ZBTB5: variants seen among roughly 807,000 people sequenced by gnomAD.
ZBTB5 encodes zinc finger and BTB domain-containing protein 5.
ZBTB5 carries 15 observed loss-of-function variants against 37.9 expected under a neutral mutation model. The observed-to-expected ratio is 0.40, with a 90% confidence interval of 0.26 to 0.61. The LOEUF (loss-of-function observed/expected upper bound fraction) is 0.61, where lower values mean the gene tolerates loss of function less well. Ranked by LOEUF, ZBTB5 falls within the 20% of genes least tolerant of loss-of-function variation. The pLI is 0.47. For missense variants in ZBTB5, 708 were observed against 856.8 expected (o/e 0.83, Z 2.17); for synonymous variants, 315 against 312.4 (o/e 1.01, Z -0.09).
intron 1 of ZBTB5, among the ~76,000 whole-genome samples, chr9:37,444,509 T>C (rs927679495): frequency 2.6e-5 from 4 of 152,180 alleles, no homozygotes; most frequent in African/African-American, 9.7e-5. Flanking sequence ...CAAGAAATGG[T>C]ATTTTTTAAA....
chr9:37,446,354 A>C (rs751872768), intron 1 of ZBTB5, among the ~76,000 whole-genome samples: 4 of 152,210 alleles, frequency 2.6e-5, no homozygotes, highest in Admixed American at 6.5e-5. Context: ...CTGGGAAATA[A>C]CTGAAATGGC....
At position 37,441,033 on chromosome 9, in the gene ZBTB5, A is replaced by G; in HGVS notation, c.1519T>C (p.Ser507Pro). 2 of 1,614,186 alleles carry G rather than the reference A, an allele frequency of 1.2e-6. No homozygotes were observed. The highest frequency in any genetic ancestry group is 1.7e-6 in the Non-Finnish European group (2 of 1,180,040). Reference sequence around the variant, plus strand: ...GAGTGGAGGCCCAAACCAGACCTGGAAAAGTCCATCCCAAACTGTTCTCCT... The same window carrying G: ...GAGTGGAGGCCCAAACCAGACCTGGGAAAGTCCATCCCAAACTGTTCTCCT... ...QGGEQFGMDF[S>P]RSGLGLHSSF... Residue 507 changes from serine to proline, a missense_variant, in exon 2 of 2, where the codon TCC becomes CCC. By Grantham distance (74) the Ser-to-Pro change is moderately conservative. Coordinates refer to ENST00000307750, the MANE Select transcript of ZBTB5 (RefSeq NM_014872.3).
At chr9:37,459,124 TA>T (rs1178476150) in intron 1 of ZBTB5, among the ~76,000 whole-genome samples, 2 of 152,238 alleles carry the variant, frequency 1.3e-5, no homozygotes, top group African/African-American at 4.8e-5. Flanking sequence ...AGCTGTCTTC[TA>T]TTAAACTACA....
In ZBTB5 at chr9:37,442,262, A is replaced by G; in HGVS notation, c.290T>C (p.Met97Thr). ...GTGAGAGGCTGCCAATAAGACATCCATTACATTGCTCTCCCCCAGCATGAG... is the reference window on the plus strand; with the variant it reads ...GTGAGAGGCTGCCAATAAGACATCCGTTACATTGCTCTCCCCCAGCATGAG... Reference protein sequence around the residue: ...STLMLGESNVMDVLLAASHLH... With the variant: ...STLMLGESNVTDVLLAASHLH... Residue 97 changes from methionine (M) to threonine (T), a missense_variant, in exon 2 of 2, where the codon ATG (methionine) becomes ACG (threonine). Coordinates refer to ENST00000307750, the MANE Select transcript of ZBTB5 (RefSeq NM_014872.3). 5 of 1,614,230 alleles carry G rather than the reference A, an allele frequency of 3.1e-6. No individual in the cohort carries two copies. The highest frequency in any genetic ancestry group is 3.4e-6 in the Non-Finnish European group (4 of 1,180,034).
intron 1 of ZBTB5, among the ~76,000 whole-genome samples, chr9:37,454,501 C>A (rs1824153952): frequency 6.6e-6 from 1 of 152,130 alleles, no homozygotes; most frequent in South Asian, 2.1e-4. Flanking sequence ...GTGTAAAGTT[C>A]AGTATTTGTT....
chr9:37,464,495 GCTGA>G (rs777957136), intron 1 of ZBTB5, among the ~76,000 whole-genome samples: 11 of 152,000 alleles, frequency 7.2e-5, no homozygotes, highest in Non-Finnish European at 1.3e-4. Flanking sequence ...ATGCCAGAAT[GCTGA>G]CTGACTTAAA....
At chr9:37,446,742 C>T (rs1284061225) in intron 1 of ZBTB5, among the ~76,000 whole-genome samples, 2 of 152,230 alleles carry the variant, frequency 1.3e-5, no homozygotes, top group Non-Finnish European at 2.9e-5. Flanking sequence ...GAGCTTAAGG[C>T]TTTGGGGAGA....
chr9:37,447,004 C>T (rs1044916249), intron 1 of ZBTB5, among the ~76,000 whole-genome samples: 12 of 152,306 alleles, frequency 7.9e-5, no homozygotes, highest in South Asian at 6.2e-4. Context: ...AGACACTCAG[C>T]GTTACTGCTT....
chr9:37,452,369 G>A (rs768871882), intron 1 of ZBTB5, among the ~76,000 whole-genome samples: 1 of 152,120 alleles, frequency 6.6e-6, no homozygotes, highest in South Asian at 2.1e-4. Context: ...CCAAATACTA[G>A]CATCATTTTT....
intron 1 of ZBTB5, among the ~76,000 whole-genome samples, chr9:37,461,411 C>T (rs1242873023): frequency 6.6e-6 from 1 of 152,166 alleles, no homozygotes; most frequent in East Asian, 1.9e-4. Flanking sequence ...GAGCAACTCA[C>T]CCTAAACATT....
chr9:37,461,952 C>G (rs1256888301), intron 1 of ZBTB5, among the ~76,000 whole-genome samples: 2 of 151,964 alleles, frequency 1.3e-5, no homozygotes, highest in Non-Finnish European at 2.9e-5. Context: ...AGCAGGAAAA[C>G]GAATTAGGAA....
At position 37,441,198 on chromosome 9, in the gene ZBTB5, C is replaced by A; in HGVS notation, c.1354G>T (p.Ala452Ser). Reference sequence around the variant, plus strand: ...GAGGAGGGCCCACCTGCAGGCCCAGCCTCTGGACTCAACAAATAGGGGGCC... The same window carrying A: ...GAGGAGGGCCCACCTGCAGGCCCAGACTCTGGACTCAACAAATAGGGGGCC... ...SEAPYLLSPE[A>S]GPAGGPSSAP... Residue 452 changes from alanine to serine, a missense_variant, in exon 2 of 2, where the codon GCT becomes TCT. By Grantham distance (99) the Ala-to-Ser change is moderately conservative (BLOSUM62 1). Transcript: ENST00000307750. 6.2e-7 allele frequency: 1 copy of A among 1,614,076 alleles called. No individual in the cohort carries two copies. Among genetic ancestry groups the A allele is most frequent in the Non-Finnish European group, 8.5e-7 (1 of 1,179,984 alleles).
chr9:37,447,713 G>T (rs1824014455), intron 1 of ZBTB5, among the ~76,000 whole-genome samples: 1 of 152,056 alleles, frequency 6.6e-6, no homozygotes, highest in African/African-American at 2.4e-5. Context: ...GAGTTAATAG[G>T]TGAGGGGGGC....
Position 37,442,416 on chromosome 9 carries a change from T to C in ZBTB5, c.136A>G (p.Ser46Gly), listed in dbSNP as rs756999652. Residue 46 changes from serine to glycine, a missense_variant, in exon 2 of 2, where the codon AGC (serine) becomes GGC (glycine). By Grantham distance (56) the Ser-to-Gly change is moderately conservative (BLOSUM62 0). Transcript: ENST00000307750. ...GAGAACAGGGCTCGGAAATGCGTGC[T>C]GCATGCTGCCAGCACGGAGCGGTGG... is the stretch of plus-strand genomic sequence containing the variant. Reference protein sequence around the residue: ...KAHRSVLAACSTHFRALFSVA... With the variant: ...KAHRSVLAACGTHFRALFSVA... 4 of 1,614,018 alleles carry C rather than the reference T, an allele frequency of 2.5e-6. No homozygotes were observed. In the African/African-American group the frequency reaches 4.0e-5, roughly 16 times the overall value.
chr9:37,441,200 T>C lies in ZBTB5; in HGVS notation c.1352A>G (p.Glu451Gly). ...GGAGGGCCCACCTGCAGGCCCAGCCTCTGGACTCAACAAATAGGGGGCCTC... is the reference window on the plus strand; with the variant it reads ...GGAGGGCCCACCTGCAGGCCCAGCCCCTGGACTCAACAAATAGGGGGCCTC... ...ESEAPYLLSP[E>G]AGPAGGPSSA... is the part of the protein sequence containing the mutation. Residue 451 changes from glutamate to glycine, a missense_variant, in exon 2 of 2, where the codon GAG (glutamate) becomes GGG (glycine). By Grantham distance (98) the Glu-to-Gly change is moderately conservative (BLOSUM62 -2). Around this residue, in one of 3 missense-constraint regions of ZBTB5, gnomAD observed 639 missense variants for 690.5 expected, o/e 0.93. Transcript: ENST00000307750. The C allele has an allele frequency of 6.2e-7, 1 of 1,614,160 alleles. No individual in the cohort carries two copies.
chr9:37,453,854 T>C (rs987287913), intron 1 of ZBTB5, among the ~76,000 whole-genome samples: 2 of 152,182 alleles, frequency 1.3e-5, no homozygotes, highest in East Asian at 1.9e-4. Flanking sequence ...GATTACAAAC[T>C]GTGAGGGAGT....
Position 37,441,340 on chromosome 9 carries a change from C to G in ZBTB5, c.1212G>C (p.Lys404Asn). 6.2e-7 allele frequency: 1 copy of G among 1,614,146 alleles called. No individual in the cohort carries two copies. Among genetic ancestry groups the G allele is most frequent in the Middle Eastern group, 1.6e-4 (1 of 6,062 alleles). ...ILEVTNNLEH[K>N]STFSISNFLN... ...GAAAATTCGAAATACTAAAAGTGGA[C>G]TTATGCTCTAGGTTATTTGTGACTT... Residue 404 changes from lysine to asparagine, a missense_variant, in exon 2 of 2, where the codon AAG becomes AAC. Physicochemically the swap from Lys to Asn is moderately conservative, Grantham distance 94. Coordinates refer to ENST00000307750, the MANE Select transcript of ZBTB5 (RefSeq NM_014872.3).
In ZBTB5 at chr9:37,462,828, T is replaced by G. The variant is rs868432349; in HGVS notation, c.-5+2387A>C. Among the ~76,000 whole-genome samples, 3 of 152,164 alleles carry G rather than the reference T, an allele frequency of 2.0e-5. No individual in the cohort carries two copies. In the East Asian group the frequency reaches 5.8e-4, roughly 29 times the overall value. On this transcript the variant is annotated intron_variant, in intron 1 of 1. Transcript: ENST00000307750. ...ATCTGCCCGCCTCAGCCTCCCCAATTGCAGTAATTACAGGCGTGAGCCACC... is the reference window on the plus strand; with the variant it reads ...ATCTGCCCGCCTCAGCCTCCCCAATGGCAGTAATTACAGGCGTGAGCCACC...
chr9:37,441,936 G>A lies in ZBTB5; in HGVS notation c.616C>T (p.Arg206Ter). 3 of 1,613,988 alleles carry A rather than the reference G, an allele frequency of 1.9e-6. No individual in the cohort carries two copies. Among genetic ancestry groups the A allele is most frequent in the Non-Finnish European group, 1.7e-6 (2 of 1,180,030 alleles). ...SAEERARQRL[R>*]PSIDESAISD... is the part of the protein sequence containing the mutation. ...ATGGCAGACTCATCTATGGAGGGTCGGAGGCGCTGCCTGGCCCGCTCCTCT... is the reference window on the plus strand; with the variant it reads ...ATGGCAGACTCATCTATGGAGGGTCAGAGGCGCTGCCTGGCCCGCTCCTCT... Residue 206 changes from arginine to a stop codon, truncating the protein, a stop_gained, in exon 2 of 2, where the codon CGA (arginine) becomes TGA (stop). Coordinates refer to ENST00000307750, the MANE Select transcript of ZBTB5 (RefSeq NM_014872.3). LOFTEE classifies it high-confidence loss of function.
Sources: gnomAD v4.1 joint callset for allele counts (sites outside exome capture counted in the v4.1 genomes callset) on GRCh38, gnomAD v4.1.1 for gene constraint, gnomAD v4.1.1 regional missense constraint, MANE v1.5 for transcripts, NCBI Gene and HGNC (gene_info 2026-07-23, HGNC 2026-07-21) for gene names.